KCNJ12: variants seen among roughly 807,000 people sequenced by gnomAD.
KCNJ12 encodes potassium inwardly rectifying channel subfamily J member 12, also known as ATP-sensitive inward rectifier potassium channel 12.
Under a neutral mutation model 22.3 loss-of-function variants are expected in KCNJ12, and 2 were observed. That is an observed-to-expected ratio of 0.09 (90% CI 0.04 to 0.28). The LOEUF (loss-of-function observed/expected upper bound fraction) is 0.28, where lower values mean the gene tolerates loss of function less well. KCNJ12 is among the 10% of genes least tolerant of loss of function. The probability of loss-of-function intolerance (pLI) is 1.00; values close to 1 mark genes in which losing one functional copy is unlikely to be tolerated. For missense variants in KCNJ12, 155 were observed against 633.3 expected (o/e 0.24, Z 8.11); for synonymous variants, 117 against 261.4 (o/e 0.45, Z 5.33).
intron 1 of KCNJ12, among the ~76,000 whole-genome samples, chr17:21,378,694 G>C (rs1327924580): frequency 2.0e-5 from 3 of 152,086 alleles, no homozygotes; most frequent in African/African-American, 7.2e-5. Context: ...GCAGGTAGGG[G>C]CTCCAAGTCC....
chr17:21,377,406 G>A (rs1264015467), intron 1 of KCNJ12, among the ~76,000 whole-genome samples: 1 of 152,328 alleles, frequency 6.6e-6, no homozygotes, highest in East Asian at 1.9e-4. Context: ...GGTTCTTGGA[G>A]TCGTGTCTCT....
rs1258269665 is a variant in KCNJ12 at position 21,416,775 on chromosome 17, T to C, written c.*131T>C. 8.5e-6 allele frequency: 12 copies of C among 1,408,884 alleles called. No homozygotes were observed. Among genetic ancestry groups the C allele is most frequent in the Non-Finnish European group, 9.4e-6 (10 of 1,063,102 alleles). The allele number at this position is 1,408,884 out of a possible 1,614,324, so 87.3% of individuals were successfully genotyped here. ...AGACTCAGTAGCGTTTTAGTCGTTT[T>C]ATGTTTCTTTGCAACGGCCTCAGAA... On this transcript the variant is annotated 3_prime_UTR_variant, in exon 3 of 3. Transcript: ENST00000583088.
intron 1 of KCNJ12, among the ~76,000 whole-genome samples, chr17:21,388,870 C>T (rs9892767): frequency 1.3e-3 from 193 of 152,244 alleles, no homozygotes; most frequent in African/African-American, 2.4e-3. Context: ...CTGGGCCCCC[C>T]CCGAGGGAAG....
chr17:21,408,830 C>A (rs1335631445), intron 2 of KCNJ12, among the ~76,000 whole-genome samples, 190 bp downstream of exon 2: 4 of 152,304 alleles, frequency 2.6e-5, no homozygotes, highest in Non-Finnish European at 4.4e-5. Context: ...CTCGCCCATG[C>A]CATCCGTTCC....
At chr17:21,397,463 T>A (rs924238568) in intron 1 of KCNJ12, among the ~76,000 whole-genome samples, 1 of 152,170 alleles carries the variant, frequency 6.6e-6, no homozygotes, top group East Asian at 1.9e-4. Flanking sequence ...GAAATATAAA[T>A]AGCACGCGAT....
intron 1 of KCNJ12, among the ~76,000 whole-genome samples, chr17:21,395,568 C>CAAAAAAAAAAAAA (rs10652801): frequency 5.6e-4 from 27 of 48,084 alleles, no homozygotes; most frequent in African/African-American, 1.7e-3. Flanking sequence ...GACTTCTTCT[C>CAAAAAAAAAAAAA]AAAAAAAAAA....
chr17:21,415,088 T>A (rs1227382941), intron 2 of KCNJ12, among the ~76,000 whole-genome samples, 199 bp from the exon 3 acceptor site: 3 of 152,304 alleles, frequency 2.0e-5, no homozygotes, highest in Non-Finnish European at 4.4e-5. Flanking sequence ...GGTTTTTGGC[T>A]GGAGCTGCTG....
At chr17:21,385,055 G>A (rs1459777775) in intron 1 of KCNJ12, among the ~76,000 whole-genome samples, 1 of 152,088 alleles carries the variant, frequency 6.6e-6, no homozygotes, top group Admixed American at 6.5e-5. Context: ...GATTACAGGC[G>A]TGAGCCACCG....
chr17:21,409,234 A>G (rs1407773970), intron 2 of KCNJ12, among the ~76,000 whole-genome samples: 1 of 152,312 alleles, frequency 6.6e-6, no homozygotes, highest in African/African-American at 2.4e-5. Context: ...AAAGGGGGCC[A>G]GGGGAGGAGG....
At chr17:21,411,169 G>A (rs1251716857) in intron 2 of KCNJ12, among the ~76,000 whole-genome samples, 2 of 152,310 alleles carry the variant, frequency 1.3e-5, no homozygotes, top group East Asian at 3.8e-4. Context: ...GAAGCCCAGG[G>A]CCTCAGGGCA....
At chr17:21,394,106 A>G (rs917502689) in intron 1 of KCNJ12, among the ~76,000 whole-genome samples, 10 of 151,990 alleles carry the variant, frequency 6.6e-5, no homozygotes, top group Non-Finnish European at 1.0e-4. Flanking sequence ...TATAATATCT[A>G]TCTCGTGGGG....
chr17:21,418,078 T>G lies in KCNJ12; in HGVS notation c.*1434T>G, dbSNP rs1360111434. ...CACCCTCCCCCAGGTTGAGGCACTA[T>G]GGCACCCTCATCAGGAAGAGGTTTG... On this transcript the variant is annotated 3_prime_UTR_variant, in exon 3 of 3. Coordinates refer to ENST00000583088, the MANE Select transcript of KCNJ12 (RefSeq NM_021012.5). 2 of 166,966 alleles carry G rather than the reference T, an allele frequency of 1.2e-5. No individual in the cohort carries two copies. The highest frequency in any genetic ancestry group is 2.9e-5 in the Non-Finnish European group (2 of 68,188). 10.3% of individuals were successfully genotyped at this position (166,966 alleles called of 1,614,324 possible).
At chr17:21,399,227 G>GC (rs2142060348) in intron 1 of KCNJ12, among the ~76,000 whole-genome samples, 1 of 152,316 alleles carries the variant, frequency 6.6e-6, no homozygotes, top group South Asian at 2.1e-4. Flanking sequence ...AGGATGCCTG[G>GC]CCCCCAGATG....
chr17:21,401,906 G>A (rs1905640442), intron 1 of KCNJ12, among the ~76,000 whole-genome samples: 1 of 152,220 alleles, frequency 6.6e-6, no homozygotes, highest in East Asian at 1.9e-4. Context: ...GGAAGCACAA[G>A]GGGTGGGGCT....
intron 1 of KCNJ12, among the ~76,000 whole-genome samples, chr17:21,386,892 C>T (rs1555558717): frequency 6.6e-6 from 1 of 152,218 alleles, no homozygotes; most frequent in African/African-American, 2.4e-5. Context: ...TTTGCAAAGG[C>T]TCTTTTCATC....
At chr17:21,383,575 A>G (rs1487883091) in intron 1 of KCNJ12, among the ~76,000 whole-genome samples, 2 of 152,148 alleles carry the variant, frequency 1.3e-5, no homozygotes, top group Non-Finnish European at 2.9e-5. Context: ...TTGTGGAAAT[A>G]GGGCCTGGGA....
chr17:21,412,437 C>T (rs1298468753), intron 2 of KCNJ12, among the ~76,000 whole-genome samples: 1 of 152,312 alleles, frequency 6.6e-6, no homozygotes, highest in Non-Finnish European at 1.5e-5. Context: ...TCCTTGCAGG[C>T]TTTGAGCTGC....
At chr17:21,405,075 A>T (rs1905851527) in intron 1 of KCNJ12, 1 of 152,656 alleles carries the variant, frequency 6.6e-6, no homozygotes, top group Non-Finnish European at 1.5e-5. Flanking sequence ...ACAGCGAGGC[A>T]GATCCTGCCC....
chr17:21,399,012 A>G (rs1905482690), intron 1 of KCNJ12, among the ~76,000 whole-genome samples: 1 of 152,226 alleles, frequency 6.6e-6, no homozygotes, highest in South Asian at 2.1e-4. Context: ...GAGCCCTGGC[A>G]GGAGCTGGGA....
Sources: allele counts gnomAD v4.1 joint callset (sites outside exome capture counted in the v4.1 genomes callset), GRCh38; gene constraint gnomAD v4.1.1; transcripts MANE v1.5; gene names NCBI Gene and HGNC (gene_info 2026-07-23, HGNC 2026-07-21).